The following CSE1L variants were observed in gnomAD, a reference collection of about 807,000 sequenced individuals.
CSE1L encodes the protein chromosome segregation 1 like, also known as exportin-2.
CSE1L carries 24 observed loss-of-function variants against 120.4 expected under a neutral mutation model. The ratio of observed to expected loss-of-function variants is 0.20; its 90% CI spans 0.14 to 0.28. CSE1L has a LOEUF of 0.28. CSE1L is among the 10% of genes least tolerant of loss of function. CSE1L has a pLI of 1.00. For missense variants in CSE1L, 830 were observed against 1,145.2 expected (o/e 0.72, Z 3.97); for synonymous variants, 402 against 398.3 (o/e 1.01, Z -0.11).
intron 12 of CSE1L, among the ~76,000 whole-genome samples, chr20:49,076,013 G>A (rs1486167775): frequency 2.0e-5 from 3 of 152,002 alleles, no homozygotes; most frequent in Non-Finnish European, 2.9e-5. Flanking sequence ...TGTATTTTTA[G>A]TAGAGACAAG....
intron 1 of CSE1L, among the ~76,000 whole-genome samples, chr20:49,054,298 T>C (rs979586367): frequency 6.6e-6 from 1 of 152,214 alleles, no homozygotes; most frequent in Non-Finnish European, 1.5e-5. Context: ...GGTTGGGGTT[T>C]CTGGCTGTTG....
At position 49,072,608 on chromosome 20, in the gene CSE1L, A is replaced by G; in HGVS notation, c.977A>G (p.Glu326Gly). 1.2e-6 allele frequency: 2 copies of G among 1,613,584 alleles called. No individual in the cohort carries two copies. The highest frequency in any genetic ancestry group is 1.7e-4 in the Middle Eastern group (1 of 6,060). The change falls in exon 10 of 25, where the codon GAG becomes GGG. Residue 326 changes from glutamate to glycine, a missense_variant. Physicochemically the swap from Glu to Gly is moderately conservative, Grantham distance 98. Transcript: ENST00000262982. Reference sequence around the variant, plus strand: ...ATTCAATTTCTGGCTTCAGTTTGTGAGAGACCTCATTATAAGAATCTATTT... The same window carrying G: ...ATTCAATTTCTGGCTTCAGTTTGTGGGAGACCTCATTATAAGAATCTATTT... ...NAIQFLASVC[E>G]RPHYKNLFED...
intron 1 of CSE1L, among the ~76,000 whole-genome samples, chr20:49,050,385 A>ATTTTTTTTTTT (rs1243770980): frequency 1.3e-5 from 1 of 79,018 alleles, no homozygotes; most frequent in African/African-American, 5.7e-5. Flanking sequence ...AGCCCAGCTA[A>ATTTTTTTTTTT]TTTTTTTTTT....
At position 49,071,789 on chromosome 20, in the gene CSE1L, C is replaced by A. The variant is rs553458011; in HGVS notation, c.769-497C>A. 1.1e-4 allele frequency among the ~76,000 whole-genome samples: 16 copies of A among 152,056 alleles called. No individual in the cohort carries two copies. The South Asian group carries it at 3.3e-3, about 32-fold the overall frequency. ...CATCCTGGCTAACACGGTGAAACCC[C>A]GTCTCTACTAAAAAAAAAAAATACA... On this transcript the variant is annotated intron_variant, in intron 8 of 24. Coordinates refer to ENST00000262982, the MANE Select transcript of CSE1L (RefSeq NM_001316.4).
chr20:49,076,058 C>T (rs2091966007), intron 12 of CSE1L, among the ~76,000 whole-genome samples: 1 of 152,194 alleles, frequency 6.6e-6, no homozygotes, highest in Non-Finnish European at 1.5e-5. Context: ...TCTCAAATTC[C>T]TGACCTCGTG....
Position 49,075,309 on chromosome 20 carries a change from A to T in CSE1L, c.1133-9A>T. ...TTTCCCCATAATATATTTTCTTTTC[A>T]TTTCATAGATATTGATACTAGACGC... On this transcript the variant is annotated splice_polypyrimidine_tract_variant and intron_variant, in intron 11 of 24. Transcript: ENST00000262982. 1.2e-6 allele frequency: 2 copies of T among 1,603,654 alleles called. No homozygotes were observed. Among genetic ancestry groups the T allele is most frequent in the African/African-American group, 1.4e-5 (1 of 73,996 alleles).
At chr20:49,048,815 A>G (rs918875354) in intron 1 of CSE1L, among the ~76,000 whole-genome samples, 1 of 152,168 alleles carries the variant, frequency 6.6e-6, no homozygotes, top group Non-Finnish European at 1.5e-5. Context: ...TATGTTCTTC[A>G]TGTGTGGGTG....
chr20:49,092,575 T>A (rs1295925059), intron 22 of CSE1L, among the ~76,000 whole-genome samples: 1 of 151,464 alleles, frequency 6.6e-6, no homozygotes, highest in Non-Finnish European at 1.5e-5. Flanking sequence ...CACCACATGT[T>A]CTCACTCATA....
At chr20:49,063,097 C>G (rs6095418) in intron 2 of CSE1L, 105 bp from the exon 3 acceptor site, 1 of 547,928 alleles carries the variant, frequency 1.8e-6, no homozygotes, top group Admixed American at 4.5e-5. Context: ...CACAAATAAC[C>G]TAATCTTTTC....
intron 1 of CSE1L, 75 bp from the exon 2 acceptor site, chr20:49,058,378 A>G: frequency 1.8e-6 from 2 of 1,082,782 alleles, no homozygotes; most frequent in Non-Finnish European, 2.7e-6. Flanking sequence ...AACCCATAAT[A>G]TAAACGGATT....
In CSE1L at chr20:49,048,590, G is replaced by T. The variant is rs530675552; in HGVS notation, c.-12+2167G>T. 2.6e-5 allele frequency among the ~76,000 whole-genome samples: 4 copies of T among 152,134 alleles called. No individual in the cohort carries two copies. In the East Asian group the frequency reaches 5.8e-4, roughly 22 times the overall value. On this transcript the variant is annotated intron_variant, in intron 1 of 24. Transcript: ENST00000262982. Reference sequence around the variant, plus strand: ...GAGGGGCAGAACATTCCAGGTAGAGGGAATAGAAGGCTCAAGGCTCAAGGA... The same window carrying T: ...GAGGGGCAGAACATTCCAGGTAGAGTGAATAGAAGGCTCAAGGCTCAAGGA...
In CSE1L at chr20:49,058,531, C is replaced by T. The variant is rs1008741552; in HGVS notation, c.68C>T (p.Pro23Leu). 2 of 1,613,436 alleles carry T rather than the reference C, an allele frequency of 1.2e-6. No individual in the cohort carries two copies. The highest frequency in any genetic ancestry group is 1.7e-6 in the Non-Finnish European group (2 of 1,179,594). ...EYLKKTLDPD[P>L]AIRRPAEKFL... is the part of the protein sequence containing the mutation. ...TTAAAGAAAACACTTGATCCTGATC[C>T]TGCCATCCGACGTCCAGGTAAAGAA... The change falls in exon 2 of 25, where the codon CCT (proline) becomes CTT (leucine). Residue 23 changes from proline to leucine, a missense_variant. Physicochemically the swap from Pro to Leu is moderately conservative, Grantham distance 98 (BLOSUM62 -3). This residue lies in a region of CSE1L where 543 missense variants were observed against 640.2 expected (regional missense o/e 0.85). Transcript: ENST00000262982.
Position 49,067,214 on chromosome 20 carries a change from C to T in CSE1L, c.501C>T (p.Asn167=), listed in dbSNP as rs368316233. Reference sequence around the variant, plus strand: ...GATACCGTCATGAATTTAAGTCAAACGAGTTATGGACTGAAATTAAGCTTG... The same window carrying T: ...GATACCGTCATGAATTTAAGTCAAATGAGTTATGGACTGAAATTAAGCTTG... ...FKRYRHEFKS[N]ELWTEIKLVL... Residue 167 remains asparagine (N), a synonymous_variant, in exon 6 of 25, where the codon AAC becomes AAT. Coordinates refer to ENST00000262982, the MANE Select transcript of CSE1L (RefSeq NM_001316.4). The T allele has an allele frequency of 6.8e-6, 11 of 1,609,446 alleles. No individual in the cohort carries two copies. The African/African-American group carries it at 1.1e-4, about 16-fold the overall frequency.
intron 1 of CSE1L, among the ~76,000 whole-genome samples, chr20:49,053,480 TC>T (rs2091784714): frequency 6.9e-6 from 1 of 144,642 alleles, no homozygotes; most frequent in Admixed American, 7.2e-5. Flanking sequence ...TGCCTCAGCC[TC>T]CCAAGTAGCT....
rs530269208 is a variant in CSE1L at position 49,088,986 on chromosome 20, C to T, written c.1822-261C>T. Reference sequence around the variant, plus strand: ...ACTAGGACTTAGTATTTCTTCTCTGCGAGGGCACGTGGGCTTAAGACAAGT... The same window carrying T: ...ACTAGGACTTAGTATTTCTTCTCTGTGAGGGCACGTGGGCTTAAGACAAGT... On this transcript the variant is annotated intron_variant, in intron 17 of 24. Transcript: ENST00000262982. Among the ~76,000 whole-genome samples the T allele has an allele frequency of 3.3e-5, 5 of 152,138 alleles. No homozygotes were observed. In the South Asian group the frequency reaches 6.2e-4, roughly 19 times the overall value.
intron 24 of CSE1L, among the ~76,000 whole-genome samples, chr20:49,095,562 C>G (rs1346813575): frequency 1.3e-5 from 2 of 151,968 alleles, no homozygotes; most frequent in Admixed American, 6.6e-5. Context: ...CCATCCTCCT[C>G]CCTCAGCCTC....
At chr20:49,085,757 A>C (rs1428417599) in intron 16 of CSE1L, among the ~76,000 whole-genome samples, 1 of 151,348 alleles carries the variant, frequency 6.6e-6, no homozygotes, top group Non-Finnish European at 1.5e-5. Context: ...TTTTTAGTAG[A>C]GACAGGGTTT....
At position 49,082,834 on chromosome 20, in the gene CSE1L, T is replaced by G. The variant is rs374968806; in HGVS notation, c.1483-1192T>G. 1.3e-4 allele frequency among the ~76,000 whole-genome samples: 19 copies of G among 151,918 alleles called. 3 individuals are homozygous for G. Among genetic ancestry groups the G allele is most frequent in the Admixed American group, 1.2e-3 (18 of 15,254 alleles). On this transcript the variant is annotated intron_variant, in intron 14 of 24. Transcript: ENST00000262982. ...CCGTGCCTGGCCTTTTCTGTTTTAT[T>G]TTGAGAATGAGGTCTTGCTCTGTTG...
At chr20:49,068,610 T>A in intron 6 of CSE1L, 105 bp from the exon 7 acceptor site, 2 of 767,210 alleles carry the variant, frequency 2.6e-6, no homozygotes, top group South Asian at 1.6e-5. Context: ...AAAAAATAAA[T>A]AAGTAAAATA....
Sources: allele counts gnomAD v4.1 joint callset (sites outside exome capture counted in the v4.1 genomes callset), GRCh38; gene constraint gnomAD v4.1.1; regional missense constraint gnomAD v4.1.1; transcripts MANE v1.5; gene names NCBI Gene and HGNC (gene_info 2026-07-23, HGNC 2026-07-21).